The following HMBOX1 variants were observed in gnomAD, a reference collection of about 807,000 sequenced individuals.
HMBOX1 encodes homeobox-containing protein 1.
In HMBOX1, 14 loss-of-function variants were observed where a neutral mutation model predicts 54.5. That is an observed-to-expected ratio of 0.26 (90% confidence interval 0.17 to 0.40). The LOEUF (loss-of-function observed/expected upper bound fraction) is 0.40, where lower values mean the gene tolerates loss of function less well. Among genes scored for constraint, HMBOX1 ranks in the 10% least tolerant of loss-of-function variants. The pLI, the probability that HMBOX1 is intolerant of heterozygous loss-of-function variation, is 1.00. For missense variants in HMBOX1, 332 were observed against 514.4 expected (o/e 0.65, Z 3.43); for synonymous variants, 160 against 181.0 (o/e 0.88, Z 0.93).
At chr8:29,009,902 C>T (rs1834009544) in intron 5 of HMBOX1, 1 of 1,110,986 alleles carries the variant, frequency 9.0e-7, no homozygotes, top group Non-Finnish European at 1.1e-6. Flanking sequence ...TGAGCCTGCC[C>T]TCATGTGTAA....
rs1396697674 is a variant in HMBOX1 at position 28,924,193 on chromosome 8, G to A, written c.-58+33515G>A. Among the ~76,000 whole-genome samples the A allele has an allele frequency of 6.0e-5, 9 of 150,354 alleles. No individual in the cohort carries two copies. The East Asian group carries it at 1.2e-3, about 20-fold the overall frequency. On this transcript the variant is annotated intron_variant, in intron 1 of 9. Transcript: ENST00000287701. Reference sequence around the variant, plus strand: ...ATGATCTTGGCTCACTGCAAGCTCCGCCTCCCGGGTTCACGCCATTCTCCT... The same window carrying A: ...ATGATCTTGGCTCACTGCAAGCTCCACCTCCCGGGTTCACGCCATTCTCCT...
At chr8:28,960,749 T>TTTTC in intron 1 of HMBOX1, among the ~76,000 whole-genome samples, 1 of 24,370 alleles carries the variant, frequency 4.1e-5, no homozygotes, top group African/African-American at 1.4e-4. Context: ...CTTATTCTCT[T>TTTTC]TTTCTTTTTC....
intron 4 of HMBOX1, among the ~76,000 whole-genome samples, chr8:28,987,588 C>T (rs979703728): frequency 6.6e-6 from 1 of 152,096 alleles, no homozygotes; most frequent in Non-Finnish European, 1.5e-5. Flanking sequence ...AGATATGGTC[C>T]TTTATGCAGT....
At chr8:28,897,320 C>T (rs1228080821) in intron 1 of HMBOX1, among the ~76,000 whole-genome samples, 3 of 151,658 alleles carry the variant, frequency 2.0e-5, no homozygotes, top group African/African-American at 7.3e-5. Context: ...ATATTAGGAC[C>T]CATTAAAATT....
chr8:28,991,790 A>G (rs565970938), intron 4 of HMBOX1, among the ~76,000 whole-genome samples: 9 of 152,268 alleles, frequency 5.9e-5, no homozygotes, highest in African/African-American at 1.7e-4. Context: ...CTGAATCCCT[A>G]TCAACATCTA....
chr8:28,898,851 A>G (rs1563346916), intron 1 of HMBOX1, among the ~76,000 whole-genome samples: 1 of 152,344 alleles, frequency 6.6e-6, no homozygotes. Context: ...TTAAATGTCT[A>G]TCCTTATCCC....
At chr8:28,934,636 C>T (rs1347427166) in intron 1 of HMBOX1, among the ~76,000 whole-genome samples, 1 of 152,066 alleles carries the variant, frequency 6.6e-6, no homozygotes, top group African/African-American at 2.4e-5. Context: ...AAATAATATA[C>T]AGAAATTGGC....
chr8:28,900,271 A>AAAAT (rs747317282), intron 1 of HMBOX1, among the ~76,000 whole-genome samples: 1,178 of 70,326 alleles, frequency 0.017, 27 homozygotes, highest in East Asian at 0.039. Context: ...AAAAAAAAAA[A>AAAAT]ATATATATAT....
intron 1 of HMBOX1, among the ~76,000 whole-genome samples, chr8:28,960,041 G>T (rs1825188746): frequency 6.6e-6 from 1 of 151,074 alleles, no homozygotes. Context: ...TAGACTTTCT[G>T]TGTAATTATT....
intron 4 of HMBOX1, among the ~76,000 whole-genome samples, chr8:28,984,781 A>T (rs1422956361): frequency 6.6e-6 from 1 of 152,090 alleles, no homozygotes; most frequent in Non-Finnish European, 1.5e-5. Flanking sequence ...TTAAAACATA[A>T]TTTTTTTTAA....
chr8:29,009,032 A>AT, intron 4 of HMBOX1, 40 bp from the exon 5 acceptor site: 1 of 1,474,552 alleles, frequency 6.8e-7, no homozygotes, highest in Non-Finnish European at 9.5e-7. Flanking sequence ...TTTCACTGTA[A>AT]TTTCAGTGCC....
Position 28,970,894 on chromosome 8 carries a change from G to A in HMBOX1, c.500+375G>A, listed in dbSNP as rs76972753. Among the ~76,000 whole-genome samples, 4,727 of 150,314 alleles carry A rather than the reference G, an allele frequency of 0.031. 234 individuals are homozygous for A. Among genetic ancestry groups the A allele is most frequent in the African/African-American group, 0.11 (4,509 of 40,910 alleles). On this transcript the variant is annotated intron_variant, in intron 3 of 9. Transcript: ENST00000287701. This position sits in a 1 kb window ranked among gnomAD's most constrained non-coding sequence, Gnocchi z 4.3. ...GATAATTTTATCTTGATCAGAATATGTACACTCTTAATTTTTCTGTTCAAC... is the reference window on the plus strand; with the variant it reads ...GATAATTTTATCTTGATCAGAATATATACACTCTTAATTTTTCTGTTCAAC...
At chr8:28,969,457 G>T (rs1229062915) in intron 2 of HMBOX1, among the ~76,000 whole-genome samples, 3 of 152,040 alleles carry the variant, frequency 2.0e-5, no homozygotes, top group Non-Finnish European at 2.9e-5. Flanking sequence ...GAATGAAATG[G>T]TGCTTATTTT....
intron 4 of HMBOX1, among the ~76,000 whole-genome samples, chr8:28,990,467 T>C: frequency 6.6e-6 from 1 of 152,224 alleles, no homozygotes; most frequent in Non-Finnish European, 1.5e-5. Context: ...TTAGTCTTGT[T>C]AATATGGTAA....
intron 1 of HMBOX1, among the ~76,000 whole-genome samples, chr8:28,911,692 G>T (rs1203169603): frequency 6.6e-6 from 1 of 152,070 alleles, no homozygotes; most frequent in Non-Finnish European, 1.5e-5. Flanking sequence ...CCTAAAACTT[G>T]CCCCTGCTGC....
intron 7 of HMBOX1, chr8:29,046,401 A>C (rs1404038714): frequency 6.6e-6 from 1 of 152,240 alleles, no homozygotes; most frequent in Non-Finnish European, 1.5e-5. Flanking sequence ...TTAATAGCCG[A>C]AAAACAAAAG....
intron 2 of HMBOX1, among the ~76,000 whole-genome samples, chr8:28,967,062 A>G (rs1209345976): frequency 2.6e-5 from 4 of 152,156 alleles, no homozygotes; most frequent in Non-Finnish European, 4.4e-5. Context: ...CCCATGAACT[A>G]GCTGCTTCCA....
At chr8:28,925,023 T>G (rs1818209806) in intron 1 of HMBOX1, among the ~76,000 whole-genome samples, 1 of 152,010 alleles carries the variant, frequency 6.6e-6, no homozygotes, top group Admixed American at 6.6e-5. Flanking sequence ...TTTTTTTTTT[T>G]TACTAGGAGT....
intron 1 of HMBOX1, among the ~76,000 whole-genome samples, chr8:28,944,639 G>C (rs1822086823): frequency 6.6e-6 from 1 of 152,074 alleles, no homozygotes; most frequent in Admixed American, 6.6e-5. Flanking sequence ...TTATTTTTTA[G>C]AAATTCCCAC....
Sources: allele counts gnomAD v4.1 joint callset (sites outside exome capture counted in the v4.1 genomes callset), GRCh38; gene constraint gnomAD v4.1.1; non-coding constraint Gnocchi (gnomAD v3.1); transcripts MANE v1.5; gene names NCBI Gene and HGNC (gene_info 2026-07-23, HGNC 2026-07-21).